CD4: variants seen among roughly 807,000 people sequenced by gnomAD.
CD4 encodes the protein CD4 molecule, also known as T-cell surface glycoprotein CD4.
A neutral mutation model predicts 50.5 loss-of-function variants in CD4; 25 were observed. That is an observed-to-expected ratio of 0.49 (90% CI 0.36 to 0.69). CD4 has a LOEUF of 0.69. CD4 is among the 30% of genes least tolerant of loss of function. The pLI is 0.00. For synonymous variants in CD4, 207 were observed against 221.9 expected (o/e 0.93, Z 0.60); for missense variants, 456 against 548.5 (o/e 0.83, Z 1.68).
chr12:6,801,205 C>CA (rs1942534863), intron 3 of CD4, among the ~76,000 whole-genome samples: 2 of 148,810 alleles, frequency 1.3e-5, no homozygotes, highest in South Asian at 4.4e-4. Context: ...TATGCCTAGC[C>CA]AAAAAAAATT....
chr12:6,804,813 G>A (rs983676062), intron 3 of CD4, among the ~76,000 whole-genome samples: 3 of 151,894 alleles, frequency 2.0e-5, no homozygotes, highest in Non-Finnish European at 4.4e-5. Flanking sequence ...TCAGGAGATC[G>A]AGACCATCCT....
rs1591554884 is a variant in CD4, at chr12:6,808,044, C to T, written c.215-6098C>T. 3.9e-5 allele frequency among the ~76,000 whole-genome samples: 5 copies of T among 129,196 alleles called. No homozygotes were observed. The South Asian group carries it at 1.2e-3, about 31-fold the overall frequency. 84.8% of individuals were successfully genotyped at this position (129,196 alleles called of 152,430 possible). The stretch of plus-strand genomic sequence containing the variant: ...GCAGTGAGCCGAGATCACGCCACTA[C>T]ACTGTAGCTTGGGCGACAGAGTGAG... On this transcript the variant is annotated intron_variant, in intron 3 of 9. Coordinates refer to ENST00000011653, the MANE Select transcript of CD4 (RefSeq NM_000616.5).
chr12:6,819,276 C>A (rs782435448), intron 9 of CD4, 23 bp from the exon 10 acceptor site: 11 of 1,613,834 alleles, frequency 6.8e-6, no homozygotes, highest in Admixed American at 1.7e-5. Flanking sequence ...CAGACCTGCT[C>A]CCCTTCTTCT....
At chr12:6,811,056 G>C (rs782437560) in intron 3 of CD4, among the ~76,000 whole-genome samples, 1 of 152,170 alleles carries the variant, frequency 6.6e-6, no homozygotes, top group South Asian at 2.1e-4. Context: ...TGGAAGAGGA[G>C]AGAAAGGAGA....
intron 1 of CD4, among the ~76,000 whole-genome samples, chr12:6,798,646 C>T (rs1942449918): frequency 1.3e-5 from 2 of 152,172 alleles, no homozygotes; most frequent in Non-Finnish European, 2.9e-5. Flanking sequence ...TACATAGACA[C>T]AGTAACAATC....
intron 3 of CD4, among the ~76,000 whole-genome samples, chr12:6,805,202 A>AAG (rs1942698656): frequency 2.7e-5 from 1 of 37,264 alleles, no homozygotes; most frequent in Non-Finnish European, 5.5e-5. Flanking sequence ...AAAAAAAAAA[A>AAG]AAAAGAAAAG....
intron 3 of CD4, 60 bp from the exon 4 acceptor site, chr12:6,814,082 G>T: frequency 6.8e-7 from 1 of 1,470,572 alleles, no homozygotes; most frequent in Non-Finnish European, 9.3e-7. Context: ...GCATTCTCTT[G>T]CCAGAGGTGC....
chr12:6,819,473 GT>G lies in CD4; in HGVS notation c.*146del. 1.3e-6 allele frequency: 1 copy of G among 764,146 alleles called. No individual in the cohort carries two copies. The highest frequency in any genetic ancestry group is 2.3e-6 in the Non-Finnish European group (1 of 440,144). 47.3% of individuals were successfully genotyped at this position (764,146 alleles called of 1,614,324 possible). On this transcript the variant is annotated 3_prime_UTR_variant, in exon 10 of 10. Transcript: ENST00000011653. ...TACAATTTGCCATTGTTTCTCCTGG[GT>G]TAGGCCCCGGCTTCACTGGTTGAGT...
chr12:6,818,113 CAT>C lies in CD4; in HGVS notation c.1157-307_1157-306del, dbSNP rs782802265. Among the ~76,000 whole-genome samples the C allele has an allele frequency of 2.0e-5, 3 of 149,086 alleles. No individual in the cohort carries two copies. The highest frequency in any genetic ancestry group is 3.0e-5 in the Non-Finnish European group (2 of 67,292). ...ACGCGCACACGCGCGCACACACACA[CAT>C]TCACACCATTCACACACGCACACAC... On this transcript the variant is annotated intron_variant, in intron 7 of 9. Coordinates refer to ENST00000011653, the MANE Select transcript of CD4 (RefSeq NM_000616.5). This position sits in a 1 kb window ranked among gnomAD's most constrained non-coding sequence, Gnocchi z 5.0.
chr12:6,793,069 G>T (rs1272235080), intron 1 of CD4, among the ~76,000 whole-genome samples: 1 of 152,122 alleles, frequency 6.6e-6, no homozygotes, highest in Non-Finnish European at 1.5e-5. Context: ...CCGTACTAGG[G>T]TAAGACACCT....
In CD4 at chr12:6,792,243, C is replaced by T. The variant is rs993698203; in HGVS notation, c.-68+2581C>T. On this transcript the variant is annotated intron_variant, in intron 1 of 9. Transcript: ENST00000011653. This position sits in a 1 kb window ranked among gnomAD's most constrained non-coding sequence, Gnocchi z 4.1. ...GACTCTCGCTGTGGTGGAGCTGGGC[C>T]CTCTTACCCTCCCAAGCCTCGCCCC... Among the ~76,000 whole-genome samples the T allele has an allele frequency of 1.3e-5, 2 of 151,892 alleles. No individual in the cohort carries two copies. The highest frequency in any genetic ancestry group is 4.8e-5 in the African/African-American group (2 of 41,324).
chr12:6,809,168 A>G (rs1462840787), intron 3 of CD4, among the ~76,000 whole-genome samples: 5 of 152,076 alleles, frequency 3.3e-5, no homozygotes, highest in African/African-American at 4.8e-5. Context: ...CTGGTTTCCT[A>G]TCGTCATCAA....
rs59482497 is a variant in CD4 at position 6,818,092 on chromosome 12, G to A, written c.1157-329G>A. Among the ~76,000 whole-genome samples, 22,286 of 61,664 alleles carry A rather than the reference G, an allele frequency of 0.36. 3,518 individuals carry two copies. Among genetic ancestry groups the A allele is most frequent in the African/African-American group, 0.54 (16,452 of 30,616 alleles). The allele number at this position is 61,664 out of a possible 152,430, so 40.5% of individuals were successfully genotyped here. ...CACATTCACACATGGACTCACACGC[G>A]CACACGCGCGCACACACACACATTC... is the stretch of plus-strand genomic sequence containing the variant. On this transcript the variant is annotated intron_variant, in intron 7 of 9. Coordinates refer to ENST00000011653, the MANE Select transcript of CD4 (RefSeq NM_000616.5). This position sits in a 1 kb window ranked among gnomAD's most constrained non-coding sequence, Gnocchi z 5.0.
intron 4 of CD4, 156 bp downstream of exon 4, chr12:6,814,456 T>C (rs1565499448): frequency 3.0e-5 from 23 of 762,464 alleles, no homozygotes; most frequent in Non-Finnish European, 1.2e-5. Context: ...AAAACCCTTC[T>C]TGATCAGGTG....
intron 1 of CD4, among the ~76,000 whole-genome samples, chr12:6,793,649 CATCTATCT>C (rs56153037): frequency 0.26 from 32,453 of 127,004 alleles, 4,613 homozygotes; most frequent in Admixed American, 0.28. Context: ...ATCTATCTAT[CATCTATCT>C]ATCTATCTAT....
intron 1 of CD4, among the ~76,000 whole-genome samples, chr12:6,793,810 C>T (rs937501071): frequency 7.9e-5 from 12 of 151,274 alleles, no homozygotes; most frequent in African/African-American, 2.7e-4. Context: ...CCACCATCCC[C>T]AGCTAATTTT....
intron 6 of CD4, 115 bp from the exon 7 acceptor site, chr12:6,817,015 G>GGACT (rs1167618865): frequency 4.8e-6 from 4 of 824,770 alleles, no homozygotes; most frequent in Non-Finnish European, 2.0e-6. Flanking sequence ...TTTCCTCGTA[G>GGACT]GACTGCATGA....
rs1481491869 is a variant in CD4, at chr12:6,818,980, G to A, written c.1346+66G>A. 5 of 775,052 alleles carry A rather than the reference G, an allele frequency of 6.5e-6. No homozygotes were observed. The African/African-American group carries it at 9.3e-5, about 14-fold the overall frequency. 48.0% of individuals were successfully genotyped at this position (775,052 alleles called of 1,614,324 possible). A position where few individuals can be genotyped will look rare whatever the true frequency, so the allele number is the denominator to read the frequency against. ...GAGGGGGAGGGAGTTAGAGAGGAGG[G>A]GGAGGAAGGGGAGCAAAGGGGGGCA... On this transcript the variant is annotated intron_variant, in intron 9 of 9. Transcript: ENST00000011653. This position sits in a 1 kb window ranked among gnomAD's most constrained non-coding sequence, Gnocchi z 5.0.
At chr12:6,797,011 T>C (rs1942393787) in intron 1 of CD4, among the ~76,000 whole-genome samples, 1 of 152,162 alleles carries the variant, frequency 6.6e-6, no homozygotes, top group Non-Finnish European at 1.5e-5. Context: ...ATCTAACTTA[T>C]GGTTTTCAAA....
Sources: allele counts gnomAD v4.1 joint callset (sites outside exome capture counted in the v4.1 genomes callset), GRCh38; gene constraint gnomAD v4.1.1; non-coding constraint Gnocchi (gnomAD v3.1); transcripts MANE v1.5; gene names NCBI Gene and HGNC (gene_info 2026-07-23, HGNC 2026-07-21).